The following FSD2 variants were observed in gnomAD, a reference collection of about 807,000 sequenced individuals.
FSD2 encodes the protein fibronectin type III and SPRY domain-containing protein 2.
FSD2 carries 71 observed loss-of-function variants against 80.4 expected under a neutral mutation model. That is an observed-to-expected ratio of 0.88 (90% CI 0.73 to 1.08). The LOEUF (loss-of-function observed/expected upper bound fraction) is 1.08. Ranked by LOEUF, FSD2 falls within the 50% of genes least tolerant of loss-of-function variation. The probability of loss-of-function intolerance (pLI) is 0.00; values close to 1 mark genes in which losing one functional copy is unlikely to be tolerated. For synonymous variants in FSD2, 361 were observed against 329.5 expected (o/e 1.10, Z -1.03); for missense variants, 923 against 913.8 (o/e 1.01, Z -0.13).
At chr15:82,760,592 C>CTA (rs56128811) in intron 12 of FSD2, among the ~76,000 whole-genome samples, 128,010 of 152,036 alleles carry the variant, frequency 0.84, 54,420 homozygotes, top group African/African-American at 0.96. Context: ...CTGCCAGAAG[C>CTA]TATGAGTCGT....
chr15:82,761,659 A>C (rs7174270), intron 12 of FSD2, among the ~76,000 whole-genome samples: 2,585 of 149,528 alleles, frequency 0.017, 68 homozygotes, highest in African/African-American at 0.059. Flanking sequence ...TTATTCTTTT[A>C]TTTTATTTTA....
rs982631689 is a variant in FSD2 at position 82,766,756 on chromosome 15, G to A, written c.1554-725C>T. ...ACTGTCTCAAAAAAAAAAAAAAAAA[G>A]GTCCTTGATTTATGTTTATGAGCAA... is the stretch of plus-strand genomic sequence containing the variant. On this transcript the variant is annotated intron_variant, in intron 9 of 12. Transcript: ENST00000334574. 2.0e-4 allele frequency among the ~76,000 whole-genome samples: 29 copies of A among 142,868 alleles called. 1 individual carries two copies. Among genetic ancestry groups the A allele is most frequent in the Admixed American group, 5.6e-4 (8 of 14,206 alleles). 93.7% of individuals were successfully genotyped at this position (142,868 alleles called of 152,430 possible).
intron 11 of FSD2, among the ~76,000 whole-genome samples, chr15:82,764,036 G>C (rs1191289648): frequency 6.6e-6 from 1 of 152,202 alleles, no homozygotes. Context: ...GAGTTTTGCT[G>C]TAAGGTACCA....
rs942562558 is a variant in FSD2 at position 82,758,146 on chromosome 15, CA to C, written c.*1201del. On this transcript the variant is annotated 3_prime_UTR_variant, in exon 13 of 13. Coordinates refer to ENST00000334574, the MANE Select transcript of FSD2 (RefSeq NM_001007122.4). ...AAAGTGGACTTTTTTTTTTTAAACACAAAACCTTAAATGATGAGATTAGGGC... is the reference window on the plus strand; with the variant it reads ...AAAGTGGACTTTTTTTTTTTAAACACAAACCTTAAATGATGAGATTAGGGC... 43 of 151,804 alleles carry C rather than the reference CA, an allele frequency of 2.8e-4. No homozygotes were observed. The highest frequency in any genetic ancestry group is 9.7e-4 in the African/African-American group (40 of 41,384). The allele number at this position is 151,804 out of a possible 1,614,324, so 9.4% of individuals were successfully genotyped here.
chr15:82,772,473 G>A (rs919962261), intron 6 of FSD2, among the ~76,000 whole-genome samples: 2 of 152,196 alleles, frequency 1.3e-5, no homozygotes, highest in Non-Finnish European at 2.9e-5. Flanking sequence ...TCGGTGACAG[G>A]GACTCAGGCC....
chr15:82,759,182 G>A lies in FSD2; in HGVS notation c.*166C>T. ...ACACAGGTAGCAGCACACAGGACTA[G>A]AATCCAGGTTGGGTGAAATGAGCGC... On this transcript the variant is annotated 3_prime_UTR_variant, in exon 13 of 13. Transcript: ENST00000334574. 1 of 700,326 alleles carries A rather than the reference G, an allele frequency of 1.4e-6. No homozygotes were observed. The allele number at this position is 700,326 out of a possible 1,614,324, so 43.4% of individuals were successfully genotyped here. A position where few individuals can be genotyped will look rare whatever the true frequency, so the allele number is the denominator to read the frequency against.
chr15:82,801,178 T>A (rs757139197), intron 1 of FSD2, among the ~76,000 whole-genome samples: 18 of 152,188 alleles, frequency 1.2e-4, no homozygotes, highest in Non-Finnish European at 1.9e-4. Flanking sequence ...CCTGGGAGAT[T>A]ACAAGAACCC....
intron 6 of FSD2, among the ~76,000 whole-genome samples, chr15:82,777,578 G>A (rs2049743717): frequency 6.6e-6 from 1 of 152,212 alleles, no homozygotes; most frequent in Non-Finnish European, 1.5e-5. Flanking sequence ...GACCGCGGTG[G>A]CTCAGGCCTG....
chr15:82,790,365 T>TA (rs2050111580), intron 1 of FSD2, among the ~76,000 whole-genome samples: 1 of 152,204 alleles, frequency 6.6e-6, no homozygotes, highest in Non-Finnish European at 1.5e-5. Context: ...GGGTCAGACT[T>TA]ACATCATGGT....
At chr15:82,769,677 C>T in intron 8 of FSD2, 73 bp downstream of exon 8, 2 of 1,503,466 alleles carry the variant, frequency 1.3e-6, no homozygotes, top group Non-Finnish European at 1.8e-6. Context: ...AGAGCCCTGC[C>T]ATGTCTAGAA....
chr15:82,797,891 G>A (rs1312351872), intron 1 of FSD2, among the ~76,000 whole-genome samples: 1 of 152,058 alleles, frequency 6.6e-6, no homozygotes, highest in African/African-American at 2.4e-5. Context: ...ATTAAAAGTT[G>A]TATTGGTAAC....
chr15:82,759,359 T>A lies in FSD2; in HGVS notation c.2239A>T (p.Thr747Ser). The A allele has an allele frequency of 6.2e-7, 1 of 1,613,140 alleles. No individual in the cohort carries two copies. Among genetic ancestry groups the A allele is most frequent in the South Asian group, 1.1e-5 (1 of 90,914 alleles). ...HNGISMPKHV[T>S]FY ...GACATCAGAATGTTCTAATAGAAAG[T>A]GACATGTTTTGGCATTGAAATGCCA... Residue 747 changes from threonine to serine, a missense_variant, in exon 13 of 13, where the codon ACT (threonine) becomes TCT (serine). Coordinates refer to ENST00000334574, the MANE Select transcript of FSD2 (RefSeq NM_001007122.4).
In FSD2 at chr15:82,768,944, G is replaced by C. The variant is rs772261718; in HGVS notation, c.1489C>G (p.Pro497Ala). 2.5e-6 allele frequency: 4 copies of C among 1,608,306 alleles called. No homozygotes were observed. Among genetic ancestry groups the C allele is most frequent in the Non-Finnish European group, 2.5e-6 (3 of 1,177,448 alleles). Residue 497 changes from proline to alanine, a missense_variant, in exon 9 of 13, where the codon CCT (proline) becomes GCT (alanine). Coordinates refer to ENST00000334574, the MANE Select transcript of FSD2 (RefSeq NM_001007122.4). Reference sequence around the variant, plus strand: ...AGCTCCACAGTGTACGAGTCCACAGGATTCAGGTTCCCAGACTCCCAGCAA... The same window carrying C: ...AGCTCCACAGTGTACGAGTCCACAGCATTCAGGTTCCCAGACTCCCAGCAA... ...LICWESGNLN[P>A]VDSYTVELTQ...
Position 82,784,567 on chromosome 15 carries a change from C to T in FSD2, c.736-1542G>A, listed in dbSNP as rs551589351. On this transcript the variant is annotated intron_variant, in intron 3 of 12. Coordinates refer to ENST00000334574, the MANE Select transcript of FSD2 (RefSeq NM_001007122.4). ...CGGCCAATGTAAGAAGTTTTGTCTT[C>T]GATGTTGTACACTTACCCCCTTCTA... 1.4e-4 allele frequency among the ~76,000 whole-genome samples: 21 copies of T among 152,158 alleles called. No individual in the cohort carries two copies. In the South Asian group the frequency reaches 1.9e-3, roughly 14 times the overall value.
At chr15:82,785,358 T>C (rs1258126203) in intron 3 of FSD2, among the ~76,000 whole-genome samples, 1 of 151,866 alleles carries the variant, frequency 6.6e-6, no homozygotes, top group East Asian at 1.9e-4. Flanking sequence ...GGAGTCTCGC[T>C]GTGTTGCCCA....
At chr15:82,764,454 C>CAATA (rs1195928040) in intron 11 of FSD2, among the ~76,000 whole-genome samples, 1 of 142,972 alleles carries the variant, frequency 7.0e-6, no homozygotes, top group Non-Finnish European at 1.5e-5. Context: ...CTTTCGTTTT[C>CAATA]AATAAATCTC....
At chr15:82,765,368 C>A in intron 10 of FSD2, 70 bp from the exon 11 acceptor site, 2 of 1,601,848 alleles carry the variant, frequency 1.2e-6, no homozygotes, top group Non-Finnish European at 8.5e-7. Context: ...CGGTGGTCAC[C>A]GGTTTAGCTT....
intron 6 of FSD2, among the ~76,000 whole-genome samples, chr15:82,778,148 A>ATATATATATATATATATAT (rs1339356194): frequency 7.2e-6 from 1 of 138,302 alleles, no homozygotes; most frequent in Non-Finnish European, 1.5e-5. Context: ...ATATATATAT[A>ATATATATATATATATATAT]TATATATATA....
At position 82,797,385 on chromosome 15, in the gene FSD2, G is replaced by A. The variant is rs538045986; in HGVS notation, c.-79+8581C>T. On this transcript the variant is annotated intron_variant, in intron 1 of 12. Coordinates refer to ENST00000334574, the MANE Select transcript of FSD2 (RefSeq NM_001007122.4). ...TTCTTACATCAACAAAATGAAAAGC[G>A]GAAAGACAATTGACCCTAATTCCTG... is the stretch of plus-strand genomic sequence containing the variant. Among the ~76,000 whole-genome samples the A allele has an allele frequency of 1.7e-4, 26 of 152,142 alleles. 1 individual carries two copies. The highest frequency in any genetic ancestry group is 3.1e-4 in the African/African-American group (13 of 41,430).
Sources: gnomAD v4.1 joint callset for allele counts (sites outside exome capture counted in the v4.1 genomes callset) on GRCh38, gnomAD v4.1.1 for gene constraint, MANE v1.5 for transcripts, NCBI Gene and HGNC (gene_info 2026-07-23, HGNC 2026-07-21) for gene names.